Variants in SORCS1 observed in about 807,000 individuals in gnomAD.
The protein encoded by SORCS1 is sortilin related VPS10 domain containing receptor 1, also known as VPS10 domain-containing receptor SorCS1.
In SORCS1, 60 loss-of-function variants were observed where a neutral mutation model predicts 146.1. The observed-to-expected ratio is 0.41, with a 90% CI of 0.33 to 0.51. The LOEUF (loss-of-function observed/expected upper bound fraction) is 0.51, where lower values mean the gene tolerates loss of function less well. Ranked by LOEUF, SORCS1 falls within the 20% of genes least tolerant of loss-of-function variation. SORCS1 has a pLI of 0.21. For missense variants in SORCS1, 1,352 were observed against 1,487.6 expected, an observed-to-expected ratio of 0.91 and a Z score of 1.50; for synonymous variants, 637 against 584.0, an observed-to-expected ratio of 1.09 and a Z score of -1.31.
chr10:107,082,959 A>T (rs919883502), intron 1 of SORCS1, among the ~76,000 whole-genome samples: 3 of 151,920 alleles, frequency 2.0e-5, no homozygotes, highest in Non-Finnish European at 2.9e-5. Flanking sequence ...ACAAAAAAAA[A>T]TTAGCCAGGC....
intron 17 of SORCS1, among the ~76,000 whole-genome samples, chr10:106,654,263 T>C (rs903257260): frequency 6.6e-6 from 1 of 152,246 alleles, no homozygotes; most frequent in African/African-American, 2.4e-5. Flanking sequence ...TCTTCAGAAG[T>C]ATCCATAATA....
rs555958954 is a variant in SORCS1, at chr10:106,616,669, C to A, written c.2920+1480G>T. 1.2e-4 allele frequency among the ~76,000 whole-genome samples: 19 copies of A among 152,186 alleles called. No homozygotes were observed. The South Asian group carries it at 3.5e-3, about 28-fold the overall frequency. The stretch of plus-strand genomic sequence containing the variant: ...TTTCTTATTATCTGGGCTGATCAAG[C>A]CTTTCAGGAGGAAGGGAGAGAGAAG... On this transcript the variant is annotated intron_variant, in intron 21 of 25. Coordinates refer to ENST00000263054, the MANE Select transcript of SORCS1 (RefSeq NM_052918.5).
At chr10:106,664,481 A>T (rs1258706028) in intron 17 of SORCS1, among the ~76,000 whole-genome samples, 1 of 152,024 alleles carries the variant, frequency 6.6e-6, no homozygotes, top group Non-Finnish European at 1.5e-5. Context: ...TCTCTAGTAA[A>T]AATACAAAAC....
chr10:106,986,117 C>T (rs1956458335), intron 1 of SORCS1, among the ~76,000 whole-genome samples: 1 of 151,992 alleles, frequency 6.6e-6, no homozygotes, highest in Non-Finnish European at 1.5e-5. Flanking sequence ...TAGCAGTTTA[C>T]GATATGGCTA....
chr10:106,752,474 T>C (rs1010990924), intron 5 of SORCS1, among the ~76,000 whole-genome samples: 9 of 152,176 alleles, frequency 5.9e-5, no homozygotes, highest in East Asian at 5.8e-4. Context: ...ATAAGAAGTA[T>C]TGACAGATCC....
intron 10 of SORCS1, among the ~76,000 whole-genome samples, chr10:106,684,269 C>G (rs1232611201): frequency 6.6e-6 from 1 of 152,118 alleles, no homozygotes; most frequent in African/African-American, 2.4e-5. Context: ...ATCCAGGAGG[C>G]AGAGGTTGCA....
At chr10:106,593,405 G>C (rs1213839897) in intron 24 of SORCS1, among the ~76,000 whole-genome samples, 1 of 151,948 alleles carries the variant, frequency 6.6e-6, no homozygotes, top group Admixed American at 6.6e-5. Context: ...TTTGTCTTTT[G>C]CATAAGAAAA....
At chr10:107,080,313 C>T (rs1963232956) in intron 1 of SORCS1, among the ~76,000 whole-genome samples, 1 of 152,170 alleles carries the variant, frequency 6.6e-6, no homozygotes, top group African/African-American at 2.4e-5. Flanking sequence ...AAATCTCTCC[C>T]AGAAATACTG....
chr10:107,031,444 G>A (rs558737298), intron 1 of SORCS1, among the ~76,000 whole-genome samples: 1 of 152,018 alleles, frequency 6.6e-6, no homozygotes, highest in South Asian at 2.1e-4. Context: ...GGGCTTGGAG[G>A]CACAGAGTAA....
chr10:106,652,404 G>A lies in SORCS1; in HGVS notation c.2453C>T (p.Thr818Ile). The change falls in exon 18 of 26, where the codon ACT becomes ATT. Residue 818 changes from threonine to isoleucine, a missense_variant. By Grantham distance (89) the Thr-to-Ile change is moderately conservative. This residue lies in a region of SORCS1 where 648 missense variants were observed against 793.8 expected (regional missense o/e 0.82). Coordinates refer to ENST00000263054, the MANE Select transcript of SORCS1 (RefSeq NM_052918.5). Reference sequence around the variant, plus strand: ...TACCTCTTCTAATTGCACCATGAGAGTGACGTTGTGTCCTTGTTCCGCTGT... The same window carrying A: ...TACCTCTTCTAATTGCACCATGAGAATGACGTTGTGTCCTTGTTCCGCTGT... Reference protein sequence around the residue: ...KLTAEQGHNVTLMVQLEEGDV... With the variant: ...KLTAEQGHNVILMVQLEEGDV... The A allele has an allele frequency of 6.2e-7, 1 of 1,614,134 alleles. No individual in the cohort carries two copies. The highest frequency in any genetic ancestry group is 8.5e-7 in the Non-Finnish European group (1 of 1,179,974).
At chr10:106,783,985 TA>T (rs892099213) in intron 3 of SORCS1, among the ~76,000 whole-genome samples, 174 of 149,334 alleles carry the variant, frequency 1.2e-3, no homozygotes, top group East Asian at 4.5e-3. Flanking sequence ...AACTGTCATT[TA>T]AAAAAAAAAC....
At chr10:107,010,565 C>T (rs1252213687) in intron 1 of SORCS1, among the ~76,000 whole-genome samples, 1 of 152,176 alleles carries the variant, frequency 6.6e-6, no homozygotes, top group Admixed American at 6.5e-5. Flanking sequence ...GTTTCTCCAC[C>T]GCTTTGTGAC....
At chr10:107,067,818 C>A (rs113690207) in intron 1 of SORCS1, among the ~76,000 whole-genome samples, 159 of 152,192 alleles carry the variant, frequency 1.0e-3, no homozygotes, top group Middle Eastern at 3.4e-3. Context: ...ACCAACCTCA[C>A]GTGAATTGTT....
chr10:106,745,273 A>G (rs1377796013), intron 5 of SORCS1, among the ~76,000 whole-genome samples: 3 of 151,972 alleles, frequency 2.0e-5, no homozygotes, highest in Non-Finnish European at 4.4e-5. Flanking sequence ...TTAGCTGGGC[A>G]TGGTGGCAGG....
intron 1 of SORCS1, among the ~76,000 whole-genome samples, chr10:107,105,413 T>C (rs56325539): frequency 0.22 from 33,594 of 152,134 alleles, 4,659 homozygotes; most frequent in Non-Finnish European, 0.32. Flanking sequence ...GATCATAAGG[T>C]GAAGTCCCAC....
At chr10:106,775,067 G>T (rs2136358679) in intron 4 of SORCS1, among the ~76,000 whole-genome samples, 1 of 152,336 alleles carries the variant, frequency 6.6e-6, no homozygotes, top group South Asian at 2.1e-4. Context: ...GGCACTCTTT[G>T]AAGTGCTGGG....
At chr10:106,966,799 C>T (rs903282456) in intron 1 of SORCS1, among the ~76,000 whole-genome samples, 3 of 152,182 alleles carry the variant, frequency 2.0e-5, no homozygotes, top group African/African-American at 4.8e-5. Flanking sequence ...GTGCCAGGAG[C>T]TGCCATGTGA....
At chr10:106,990,490 G>A (rs1969963) in intron 1 of SORCS1, among the ~76,000 whole-genome samples, 3 of 151,724 alleles carry the variant, frequency 2.0e-5, no homozygotes, top group African/African-American at 7.3e-5. Context: ...GGCTGGTCTC[G>A]AACTCCTGAC....
chr10:106,974,143 T>C (rs1238024446), intron 1 of SORCS1, among the ~76,000 whole-genome samples: 1 of 152,222 alleles, frequency 6.6e-6, no homozygotes, highest in African/African-American at 2.4e-5. Context: ...ATTTATTTTA[T>C]GATTGCAATT....
Sources: allele counts gnomAD v4.1 joint callset (sites outside exome capture counted in the v4.1 genomes callset), GRCh38; gene constraint gnomAD v4.1.1; regional missense constraint gnomAD v4.1.1; transcripts MANE v1.5; gene names NCBI Gene and HGNC (gene_info 2026-07-23, HGNC 2026-07-21).